TAF4: variants seen among roughly 807,000 people sequenced by gnomAD.
TAF4 encodes the protein TATA-box binding protein associated factor 4, also known as transcription initiation factor TFIID subunit 4.
A neutral mutation model predicts 90.3 loss-of-function variants in TAF4; 9 were observed. That is an observed-to-expected ratio of 0.10 (90% CI 0.06 to 0.17). TAF4 has a LOEUF of 0.17. Ranked by LOEUF, TAF4 falls within the 10% of genes least tolerant of loss-of-function variation. TAF4 has a pLI of 1.00. For missense variants in TAF4, 1,351 were observed against 1,370.7 expected (o/e 0.99, Z 0.23); for synonymous variants, 818 against 638.9 (o/e 1.28, Z -4.23).
At chr20:62,031,663 T>C (rs957740455) in intron 1 of TAF4, among the ~76,000 whole-genome samples, 1 of 151,970 alleles carries the variant, frequency 6.6e-6, no homozygotes, top group Non-Finnish European at 1.5e-5. Context: ...CTATTCTCCC[T>C]CTCCCCTCAC....
chr20:62,030,165 T>C (rs545610860), intron 1 of TAF4, among the ~76,000 whole-genome samples: 38 of 152,312 alleles, frequency 2.5e-4, no homozygotes, highest in African/African-American at 8.7e-4. Flanking sequence ...CAGAGGCCTC[T>C]GCAGCACTCC....
At chr20:61,996,025 C>T (rs2055660836) in intron 14 of TAF4, among the ~76,000 whole-genome samples, 1 of 152,096 alleles carries the variant, frequency 6.6e-6, no homozygotes, top group Admixed American at 6.6e-5. Flanking sequence ...CACAGACAAA[C>T]CTCTAAACTG....
intron 3 of TAF4, among the ~76,000 whole-genome samples, chr20:62,011,551 C>T (rs2123145344): frequency 6.6e-6 from 1 of 152,356 alleles, no homozygotes; most frequent in Non-Finnish European, 1.5e-5. Flanking sequence ...GGGGCCTGCA[C>T]CAAAGGCCAG....
At chr20:62,055,474 G>A (rs1389199851) in intron 1 of TAF4, among the ~76,000 whole-genome samples, 1 of 152,012 alleles carries the variant, frequency 6.6e-6, no homozygotes, top group African/African-American at 2.4e-5. Flanking sequence ...CACTGCCTGG[G>A]GGCAGCCCTG....
At chr20:62,036,036 A>ATTTT (rs1424992180) in intron 1 of TAF4, among the ~76,000 whole-genome samples, 1 of 146,564 alleles carries the variant, frequency 6.8e-6, no homozygotes, top group African/African-American at 2.6e-5. Flanking sequence ...TTTTTTTTTA[A>ATTTT]AAAAAAAAAA....
chr20:62,057,567 G>A (rs1301103949), intron 1 of TAF4, among the ~76,000 whole-genome samples: 1 of 152,224 alleles, frequency 6.6e-6, no homozygotes, highest in South Asian at 2.1e-4. Context: ...TCACATCGGC[G>A]CTTTCCAGTG....
intron 1 of TAF4, among the ~76,000 whole-genome samples, chr20:62,049,730 G>A (rs2056015524): frequency 6.6e-6 from 1 of 151,988 alleles, no homozygotes; most frequent in Admixed American, 6.6e-5. Flanking sequence ...ACTCCAGAGG[G>A]AGGCAGGGCC....
intron 1 of TAF4, among the ~76,000 whole-genome samples, chr20:62,025,070 G>A (rs2055867179): frequency 6.6e-6 from 1 of 152,296 alleles, no homozygotes; most frequent in South Asian, 2.1e-4. Context: ...GGAGCAACCA[G>A]AGCTCCTGGG....
Position 61,975,994 on chromosome 20 carries a change from TTC to T in TAF4, c.*172_*173del, listed in dbSNP as rs1489121794. On this transcript the variant is annotated 3_prime_UTR_variant, in exon 15 of 15. Coordinates refer to ENST00000252996, the MANE Select transcript of TAF4 (RefSeq NM_003185.4). ...TTAAGAGTATCCACAGGCCTTTGTG[TTC>T]TCTCTGTTACAGAAACGTGTTTTCT... 5.9e-6 allele frequency: 4 copies of T among 673,510 alleles called. No homozygotes were observed. Among genetic ancestry groups the T allele is most frequent in the Non-Finnish European group, 7.4e-6 (3 of 403,810 alleles). The allele number at this position is 673,510 out of a possible 1,614,324, so 41.7% of individuals were successfully genotyped here.
intron 14 of TAF4, among the ~76,000 whole-genome samples, chr20:61,987,496 C>T (rs1472193224): frequency 1.3e-5 from 2 of 152,218 alleles, no homozygotes; most frequent in Admixed American, 6.5e-5. Context: ...CCGCATCCTC[C>T]GTCACCAGGG....
chr20:62,036,034 T>TA lies in TAF4; in HGVS notation c.1361-21328dup, dbSNP rs1345485499. 6.4e-3 allele frequency among the ~76,000 whole-genome samples: 844 copies of TA among 132,800 alleles called. 7 individuals carry two copies. The highest frequency in any genetic ancestry group is 8.1e-3 in the Admixed American group (109 of 13,516). 87.1% of individuals were successfully genotyped at this position (132,800 alleles called of 152,430 possible). On this transcript the variant is annotated intron_variant, in intron 1 of 14. Transcript: ENST00000252996. ...AATTAATCAAATTTCTTTTTTTTTT[T>TA]AAAAAAAAAAAAGAGTTTTGCTCTT...
chr20:61,977,819 G>A (rs963382854), intron 14 of TAF4, among the ~76,000 whole-genome samples: 1 of 152,186 alleles, frequency 6.6e-6, no homozygotes, highest in African/African-American at 2.4e-5. Flanking sequence ...GTGAGGGCAG[G>A]GCTCTCACAG....
intron 1 of TAF4, among the ~76,000 whole-genome samples, chr20:62,063,804 C>G (rs1049975104): frequency 1.3e-5 from 2 of 152,256 alleles, no homozygotes; most frequent in African/African-American, 4.8e-5. Context: ...CAAGGCTGCG[C>G]GCCGGGAGGA....
intron 1 of TAF4, among the ~76,000 whole-genome samples, chr20:62,034,159 G>A (rs901874646): frequency 3.3e-5 from 5 of 152,136 alleles, no homozygotes; most frequent in South Asian, 2.1e-4. Context: ...AGCACAGGAC[G>A]TCAGTGAAAT....
intron 1 of TAF4, among the ~76,000 whole-genome samples, chr20:62,024,131 T>C (rs4470406): frequency 6.6e-6 from 1 of 151,936 alleles, no homozygotes; most frequent in Non-Finnish European, 1.5e-5. Flanking sequence ...GTTAAACAGA[T>C]CAACACGGCC....
At chr20:61,990,571 C>T (rs2055625229) in intron 14 of TAF4, among the ~76,000 whole-genome samples, 1 of 152,206 alleles carries the variant, frequency 6.6e-6, no homozygotes, top group Non-Finnish European at 1.5e-5. Flanking sequence ...CAGCAGACTT[C>T]CTGGGAAGAG....
chr20:62,010,377 G>C lies in TAF4; in HGVS notation c.1642-212C>G, dbSNP rs2055771834. 6.6e-6 allele frequency among the ~76,000 whole-genome samples: 1 copy of C among 152,120 alleles called. No individual in the cohort carries two copies. The highest frequency in any genetic ancestry group is 6.5e-5 in the Admixed American group (1 of 15,274). On this transcript the variant is annotated intron_variant, in intron 3 of 14. Transcript: ENST00000252996. The surrounding 1 kb of genome is among the most constrained non-coding windows in gnomAD (Gnocchi z 4.5). ...GCCCTGACGATCGCAGTCCTGAGCG[G>C]GTGAGGAAGGCATGATTTGCACCTG...
intron 2 of TAF4, among the ~76,000 whole-genome samples, chr20:62,014,029 T>G (rs890776694): frequency 7.2e-4 from 101 of 140,178 alleles, no homozygotes; most frequent in African/African-American, 2.4e-3. Flanking sequence ...GGTGTGTGTG[T>G]GTGTGTGTGT....
At position 62,003,108 on chromosome 20, in the gene TAF4, C is replaced by G; in HGVS notation, c.2486+52G>C. On this transcript the variant is annotated intron_variant, in intron 9 of 14. Coordinates refer to ENST00000252996, the MANE Select transcript of TAF4 (RefSeq NM_003185.4). ...GGAATGGAGCAGCACGGACTCTGGA[C>G]TCTTCTCCGCTCTGGCCACGCTTCT... is the stretch of plus-strand genomic sequence containing the variant. 3 of 1,511,702 alleles carry G rather than the reference C, an allele frequency of 2.0e-6. No homozygotes were observed. In the South Asian group the frequency reaches 3.4e-5, roughly 17 times the overall value. 93.6% of individuals were successfully genotyped at this position (1,511,702 alleles called of 1,614,324 possible).
Sources: gnomAD v4.1 joint callset for allele counts (sites outside exome capture counted in the v4.1 genomes callset) on GRCh38, gnomAD v4.1.1 for gene constraint, Gnocchi (gnomAD v3.1) non-coding constraint, MANE v1.5 for transcripts, NCBI Gene and HGNC (gene_info 2026-07-23, HGNC 2026-07-21) for gene names.